FRAS1: variants seen among roughly 807,000 people sequenced by gnomAD.
FRAS1 encodes Fraser extracellular matrix complex subunit 1.
In FRAS1, 290 loss-of-function variants were observed where a neutral mutation model predicts 435.2. The ratio of observed to expected loss-of-function variants is 0.67; its 90% CI spans 0.61 to 0.73. FRAS1 has a LOEUF of 0.73. FRAS1 is among the 30% of genes least tolerant of loss of function. The pLI is 0.00. For synonymous variants in FRAS1, 1,800 were observed against 1,851.0 expected, an observed-to-expected ratio of 0.97 and a Z score of 0.71; for missense variants, 4,860 against 5,001.5, an observed-to-expected ratio of 0.97 and a Z score of 0.85.
chr4:78,069,399 C>G (rs1189352508), intron 2 of FRAS1, among the ~76,000 whole-genome samples: 1 of 152,220 alleles, frequency 6.6e-6, no homozygotes, highest in Non-Finnish European at 1.5e-5. Flanking sequence ...CTCAGCCTGT[C>G]TTGTGAGGAT....
chr4:78,246,876 G>T (rs1725272044), intron 4 of FRAS1, among the ~76,000 whole-genome samples: 1 of 152,144 alleles, frequency 6.6e-6, no homozygotes, highest in Non-Finnish European at 1.5e-5. Context: ...GTGCACATGT[G>T]CAGTCTTCTT....
In FRAS1 at chr4:78,488,837, C is replaced by A. The variant is rs774501158; in HGVS notation, c.8753-38C>A. On this transcript the variant is annotated intron_variant, in intron 58 of 73. Transcript: ENST00000512123. ...CCATGGCCACAGCTTCCCTGTCTTC[C>A]ACTAATGGTGCGTCTGTCTTTCTGT... 1.9e-6 allele frequency: 3 copies of A among 1,579,652 alleles called. No homozygotes were observed. The African/African-American group carries it at 4.0e-5, about 21-fold the overall frequency.
intron 2 of FRAS1, among the ~76,000 whole-genome samples, chr4:78,124,036 A>G (rs1466090243): frequency 3.3e-5 from 5 of 152,166 alleles, no homozygotes; most frequent in South Asian, 2.1e-4. Context: ...GAGACAGGGT[A>G]TCCTTGTCTT....
chr4:78,181,563 T>C, intron 2 of FRAS1: 2 of 1,611,490 alleles, frequency 1.2e-6, no homozygotes, highest in Non-Finnish European at 1.7e-6. Context: ...CGACCTCGAA[T>C]AGGTCGGTCA....
At chr4:78,361,592 G>C (rs961554479) in intron 20 of FRAS1, among the ~76,000 whole-genome samples, 1 of 152,186 alleles carries the variant, frequency 6.6e-6, no homozygotes, top group Non-Finnish European at 1.5e-5. Context: ...GACATGAAAG[G>C]GAGATCTGCT....
Position 78,105,704 on chromosome 4 carries a change from T to A in FRAS1, c.108+39688T>A, listed in dbSNP as rs138088049. On this transcript the variant is annotated intron_variant, in intron 2 of 73. Transcript: ENST00000512123. ...AAATAAGAAATGTGACAATATATAA[T>A]CTCAGTGAATAAATTGTGAAATGTA... is the stretch of plus-strand genomic sequence containing the variant. 3.9e-4 allele frequency among the ~76,000 whole-genome samples: 60 copies of A among 152,162 alleles called. No individual in the cohort carries two copies. The East Asian group carries it at 0.012, about 29-fold the overall frequency.
rs760584277 is a variant in FRAS1, at chr4:78,448,250, T to A, written c.6208T>A (p.Tyr2070Asn). 1.2e-6 allele frequency: 2 copies of A among 1,612,964 alleles called. No individual in the cohort carries two copies. Among genetic ancestry groups the A allele is most frequent in the Non-Finnish European group, 1.7e-6 (2 of 1,179,718 alleles). Reference sequence around the variant, plus strand: ...CGTGGACACAGGGAGGATGAAGATCTACACAGAACTGCCTGCAAGTGACAC... The same window carrying A: ...CGTGGACACAGGGAGGATGAAGATCAACACAGAACTGCCTGCAAGTGACAC... Reference protein sequence around the residue: ...LHVDTGRMKIYTELPASDTPH... With the variant: ...LHVDTGRMKINTELPASDTPH... The change falls in exon 44 of 74, where the codon TAC becomes AAC. Residue 2070 changes from tyrosine (Y) to asparagine (N), a missense_variant. By Grantham distance (143) the Tyr-to-Asn change is moderately radical. Coordinates refer to ENST00000512123, the MANE Select transcript of FRAS1 (RefSeq NM_025074.7).
At chr4:78,190,733 GTTGT>G (rs1305554234) in intron 2 of FRAS1, among the ~76,000 whole-genome samples, 4 of 151,756 alleles carry the variant, frequency 2.6e-5, no homozygotes, top group Non-Finnish European at 5.9e-5. Flanking sequence ...TACACAAATG[GTTGT>G]TTGTTTTATT....
At position 78,422,016 on chromosome 4, in the gene FRAS1, C is replaced by G. The variant is rs781294912; in HGVS notation, c.4678+16C>G. On this transcript the variant is annotated intron_variant, in intron 34 of 73. Coordinates refer to ENST00000512123, the MANE Select transcript of FRAS1 (RefSeq NM_025074.7). Reference sequence around the variant, plus strand: ...TCGTTCGCTGGTAATGCTCTCCTCTCTGCTTTGAGGCACCCAACTGCTCTC... The same window carrying G: ...TCGTTCGCTGGTAATGCTCTCCTCTGTGCTTTGAGGCACCCAACTGCTCTC... The G allele has an allele frequency of 6.2e-7, 1 of 1,602,082 alleles. No individual in the cohort carries two copies. The highest frequency in any genetic ancestry group is 8.5e-7 in the Non-Finnish European group (1 of 1,173,512).
Position 78,488,888 on chromosome 4 carries a change from G to T in FRAS1, c.8766G>T (p.Gln2922His), listed in dbSNP as rs778612913. The T allele has an allele frequency of 3.7e-5, 60 of 1,612,346 alleles. No individual in the cohort carries two copies. Among genetic ancestry groups the T allele is most frequent in the Non-Finnish European group, 5.0e-5 (59 of 1,179,550 alleles). Residue 2922 changes from glutamine to histidine, a missense_variant, in exon 59 of 74, where the codon CAG (glutamine) becomes CAT (histidine). Physicochemically the swap from Gln to His is conservative, Grantham distance 24 (BLOSUM62 0). Transcript: ENST00000512123. The part of the protein sequence containing the change: ...NDTFQDVPSM[Q>H]FAKDLLLVKE... ...CTGCCCACCTAGTGCCCAGCATGCA[G>T]TTTGCCAAGGATTTGCTCCTAGTGA...
At chr4:78,456,972 C>T (rs1015714299) in intron 47 of FRAS1, among the ~76,000 whole-genome samples, 1 of 152,182 alleles carries the variant, frequency 6.6e-6, no homozygotes, top group African/African-American at 2.4e-5. Flanking sequence ...AGTCTCACCC[C>T]ACGTGCTTCA....
intron 2 of FRAS1, among the ~76,000 whole-genome samples, chr4:78,216,100 T>C (rs1195780116): frequency 6.6e-6 from 1 of 152,258 alleles, no homozygotes; most frequent in Non-Finnish European, 1.5e-5. Context: ...GGCCACCACT[T>C]GGCACAGTGC....
chr4:78,238,794 G>A (rs1724873556), intron 3 of FRAS1, among the ~76,000 whole-genome samples: 1 of 152,176 alleles, frequency 6.6e-6, no homozygotes, highest in South Asian at 2.1e-4. Context: ...TATCATGGAA[G>A]AAGCCCTGAA....
intron 2 of FRAS1, among the ~76,000 whole-genome samples, chr4:78,184,503 A>G (rs1722188708): frequency 6.6e-6 from 1 of 152,224 alleles, no homozygotes; most frequent in Non-Finnish European, 1.5e-5. Context: ...TATTTGGCCC[A>G]CAGGCTATAG....
chr4:78,534,726 A>G, intron 71 of FRAS1, 111 bp downstream of exon 71: 1 of 998,088 alleles, frequency 1.0e-6, no homozygotes, highest in Non-Finnish European at 1.5e-6. Context: ...CCACCCCAGT[A>G]AAGATCCCCC....
At chr4:78,456,790 G>A (rs920837232) in intron 47 of FRAS1, among the ~76,000 whole-genome samples, 2 of 152,166 alleles carry the variant, frequency 1.3e-5, no homozygotes, top group South Asian at 2.1e-4. Context: ...TAATTGTTCT[G>A]TCTAAAAGGC....
At chr4:78,509,768 T>C (rs984281900) in intron 63 of FRAS1, among the ~76,000 whole-genome samples, 15 of 152,236 alleles carry the variant, frequency 9.9e-5, no homozygotes, top group Admixed American at 2.6e-4. Context: ...CTTCCAAAAG[T>C]GAGCTGAAAG....
chr4:78,114,659 G>A (rs769062979), intron 2 of FRAS1, among the ~76,000 whole-genome samples: 9 of 152,302 alleles, frequency 5.9e-5, no homozygotes, highest in East Asian at 1.9e-4. Context: ...GAATGCTTGT[G>A]ATTTTTGCAC....
At chr4:78,079,912 T>A (rs975809295) in intron 2 of FRAS1, among the ~76,000 whole-genome samples, 2 of 152,196 alleles carry the variant, frequency 1.3e-5, no homozygotes, top group African/African-American at 4.8e-5. Flanking sequence ...AAGCAGCAGA[T>A]GTTCTCTACA....
Sources: gnomAD v4.1 joint callset for allele counts (sites outside exome capture counted in the v4.1 genomes callset) on GRCh38, gnomAD v4.1.1 for gene constraint, MANE v1.5 for transcripts, NCBI Gene and HGNC (gene_info 2026-07-23, HGNC 2026-07-21) for gene names.